Variants in TASP1 observed in about 807,000 individuals in gnomAD.
TASP1 encodes the protein taspase 1, also known as threonine aspartase 1.
A neutral mutation model predicts 56.6 loss-of-function variants in TASP1; 16 were observed. The observed-to-expected ratio is 0.28, with a 90% CI of 0.19 to 0.43. TASP1 has a LOEUF of 0.43. TASP1 is among the 20% of genes least tolerant of loss of function. The probability of loss-of-function intolerance (pLI) is 1.00; values close to 1 mark genes in which losing one functional copy is unlikely to be tolerated. For missense variants in TASP1, 393 were observed against 511.6 expected (o/e 0.77, Z 2.24); for synonymous variants, 179 against 184.2 (o/e 0.97, Z 0.23).
At chr20:13,252,676 A>G in the TASP1 span, among the ~76,000 whole-genome samples, 1 of 152,134 alleles carries the variant, frequency 6.6e-6, no homozygotes, top group Non-Finnish European at 1.5e-5. Context: ...AATCGCTTGA[A>G]CACGGGAGAC....
chr20:13,116,492 T>C, the TASP1 span, among the ~76,000 whole-genome samples: 1 of 152,166 alleles, frequency 6.6e-6, no homozygotes, highest in Non-Finnish European at 1.5e-5. Context: ...AGAGGTGCCA[T>C]GTAAATAGAA....
chr20:13,493,955 G>C (rs935212436), intron 10 of TASP1, among the ~76,000 whole-genome samples: 2 of 152,150 alleles, frequency 1.3e-5, no homozygotes, highest in African/African-American at 2.4e-5. Context: ...AAAAAAATCA[G>C]AGGCAACCAT....
the TASP1 span, among the ~76,000 whole-genome samples, chr20:13,185,910 T>C: frequency 6.6e-6 from 1 of 152,122 alleles, no homozygotes; most frequent in African/African-American, 2.4e-5. Flanking sequence ...AAACTGAAAA[T>C]CCATCACTTT....
intron 1 of TASP1, among the ~76,000 whole-genome samples, chr20:13,634,735 A>G (rs1341839204): frequency 1.3e-4 from 20 of 151,056 alleles, no homozygotes; most frequent in Non-Finnish European, 2.7e-4. Context: ...GTCCAAAAAA[A>G]AAAAAAAAAA....
At chr20:13,328,229 G>C in the TASP1 span, among the ~76,000 whole-genome samples, 2 of 152,174 alleles carry the variant, frequency 1.3e-5, no homozygotes, top group South Asian at 2.1e-4. Flanking sequence ...CTGATCATTA[G>C]AGAACTGCAA....
the TASP1 span, among the ~76,000 whole-genome samples, chr20:13,323,037 T>C: frequency 2.6e-5 from 4 of 151,802 alleles, no homozygotes; most frequent in Non-Finnish European, 4.4e-5. Context: ...TCCAGAACAA[T>C]TGGGTGCATA....
the TASP1 span, among the ~76,000 whole-genome samples, chr20:13,371,328 G>T: frequency 1.3e-5 from 2 of 151,954 alleles, no homozygotes; most frequent in African/African-American, 4.8e-5. Flanking sequence ...TGCTTTCACC[G>T]CATCCCCTAA....
At chr20:13,358,057 G>T in the TASP1 span, among the ~76,000 whole-genome samples, 1 of 152,132 alleles carries the variant, frequency 6.6e-6, no homozygotes, top group African/African-American at 2.4e-5. Flanking sequence ...CTTAACTGAT[G>T]ACATTACCTT....
chr20:13,545,222 T>C (rs1335641215), intron 8 of TASP1, among the ~76,000 whole-genome samples: 1 of 152,194 alleles, frequency 6.6e-6, no homozygotes, highest in East Asian at 1.9e-4. Flanking sequence ...TAGATCTTAT[T>C]AGAAAGTAAA....
At chr20:13,358,924 G>A in the TASP1 span, among the ~76,000 whole-genome samples, 1 of 150,560 alleles carries the variant, frequency 6.6e-6, no homozygotes, top group Non-Finnish European at 1.5e-5. Flanking sequence ...TTCTGGGAGA[G>A]GGGCAAGTAC....
the TASP1 span, among the ~76,000 whole-genome samples, chr20:13,178,033 C>T: frequency 6.6e-6 from 1 of 151,902 alleles, no homozygotes; most frequent in Non-Finnish European, 1.5e-5. Context: ...CCAGAATATA[C>T]AAGGAACTCA....
At chr20:13,607,072 TAAAACA>T (rs916503849) in intron 4 of TASP1, among the ~76,000 whole-genome samples, 54 of 152,302 alleles carry the variant, frequency 3.5e-4, no homozygotes, top group African/African-American at 1.2e-3. Context: ...TTTTCAAGAT[TAAAACA>T]AGAGAAATTA....
chr20:13,627,326 C>T (rs2048928703), intron 2 of TASP1, among the ~76,000 whole-genome samples: 1 of 152,192 alleles, frequency 6.6e-6, no homozygotes, highest in Non-Finnish European at 1.5e-5. Context: ...ATCACTCTTT[C>T]TAATAATTTA....
At chr20:13,428,530 G>A (rs1195366648) in intron 12 of TASP1, among the ~76,000 whole-genome samples, 1 of 152,160 alleles carries the variant, frequency 6.6e-6, no homozygotes, top group East Asian at 1.9e-4. Context: ...TCTAAAAGCA[G>A]AGAGAAAATT....
intron 10 of TASP1, among the ~76,000 whole-genome samples, chr20:13,494,704 A>G (rs1000769508): frequency 1.3e-5 from 2 of 152,142 alleles, no homozygotes; most frequent in African/African-American, 2.4e-5. Flanking sequence ...ATATCATCAC[A>G]TGAATAAAGG....
At chr20:13,605,885 C>T (rs1231561072) in intron 4 of TASP1, among the ~76,000 whole-genome samples, 2 of 151,916 alleles carry the variant, frequency 1.3e-5, no homozygotes, top group Admixed American at 1.3e-4. Context: ...GAATAAAATC[C>T]AAAGTCCTAA....
chr20:13,389,559 A>G lies in TASP1; in HGVS notation c.*801T>C, dbSNP rs1328588900. 1.3e-5 allele frequency: 2 copies of G among 152,650 alleles called. No homozygotes were observed. Among genetic ancestry groups the G allele is most frequent in the African/African-American group, 4.8e-5 (2 of 41,462 alleles). The allele number at this position is 152,650 out of a possible 1,614,324, so 9.5% of individuals were successfully genotyped here. On this transcript the variant is annotated 3_prime_UTR_variant, in exon 14 of 14. Coordinates refer to ENST00000337743, the MANE Select transcript of TASP1 (RefSeq NM_017714.3). ...TTTGCTTTCTTATTTACAGTGTTATATTGTAAATAACTTTCCATTATACAC... is the reference window on the plus strand; with the variant it reads ...TTTGCTTTCTTATTTACAGTGTTATGTTGTAAATAACTTTCCATTATACAC...
intron 10 of TASP1, among the ~76,000 whole-genome samples, chr20:13,510,274 TC>T (rs1173967942): frequency 6.6e-6 from 1 of 152,168 alleles, no homozygotes; most frequent in Non-Finnish European, 1.5e-5. Flanking sequence ...TTTATTAATT[TC>T]CACACTAATT....
chr20:13,266,509 C>CTGG, the TASP1 span, among the ~76,000 whole-genome samples: 1 of 152,084 alleles, frequency 6.6e-6, no homozygotes, highest in African/African-American at 2.4e-5. Flanking sequence ...AACATTGCTG[C>CTGG]TGGTGCTGCA....
Sources: gnomAD v4.1 joint callset for allele counts (sites outside exome capture counted in the v4.1 genomes callset) on GRCh38, gnomAD v4.1.1 for gene constraint, MANE v1.5 for transcripts, NCBI Gene and HGNC (gene_info 2026-07-23, HGNC 2026-07-21) for gene names.